The following SMAP1 variants were observed in gnomAD, a reference collection of about 807,000 sequenced individuals.
SMAP1 encodes the protein small ArfGAP 1, also known as stromal membrane-associated protein 1.
SMAP1 carries 24 observed loss-of-function variants against 58.5 expected under a neutral mutation model. The ratio of observed to expected loss-of-function variants is 0.41; its 90% CI spans 0.30 to 0.58. The LOEUF is 0.58. Ranked by LOEUF, SMAP1 falls within the 20% of genes least tolerant of loss-of-function variation. SMAP1 has a pLI of 0.29. For missense variants in SMAP1, 563 were observed against 566.3 expected, an observed-to-expected ratio of 0.99 and a Z score of 0.06; for synonymous variants, 216 against 196.6, an observed-to-expected ratio of 1.10 and a Z score of -0.82.
At chr6:70,804,019 A>G (rs1768996388) in intron 6 of SMAP1, among the ~76,000 whole-genome samples, 1 of 152,044 alleles carries the variant, frequency 6.6e-6, no homozygotes, top group African/African-American at 2.4e-5. Context: ...TGGTGCAGAG[A>G]TGAGTTCAAG....
chr6:70,772,619 A>T (rs1767378148), intron 3 of SMAP1, among the ~76,000 whole-genome samples: 1 of 152,194 alleles, frequency 6.6e-6, no homozygotes. Flanking sequence ...CGTAACTCTA[A>T]ACACTCAATC....
intron 4 of SMAP1, 58 bp downstream of exon 4, chr6:70,773,483 C>T: frequency 1.1e-6 from 1 of 897,342 alleles, no homozygotes. Flanking sequence ...AAACTTTTAA[C>T]ATGCAATACA....
intron 6 of SMAP1, among the ~76,000 whole-genome samples, chr6:70,833,623 T>C (rs1770451095): frequency 6.6e-6 from 1 of 152,190 alleles, no homozygotes; most frequent in Admixed American, 6.5e-5. Flanking sequence ...AGACTGTCTT[T>C]AGAGCAGCAT....
intron 3 of SMAP1, among the ~76,000 whole-genome samples, chr6:70,771,574 C>T (rs1767314213): frequency 6.6e-6 from 1 of 152,208 alleles, no homozygotes; most frequent in South Asian, 2.1e-4. Context: ...GATATAATCT[C>T]CTGGTGCACC....
chr6:70,690,862 C>A (rs1490241728), intron 1 of SMAP1, among the ~76,000 whole-genome samples: 1 of 151,824 alleles, frequency 6.6e-6, no homozygotes, highest in Non-Finnish European at 1.5e-5. Context: ...CCCCCTTCCC[C>A]CCTTCCCCAC....
intron 2 of SMAP1, among the ~76,000 whole-genome samples, chr6:70,753,501 A>G (rs956232245): frequency 2.6e-5 from 4 of 152,108 alleles, no homozygotes; most frequent in Non-Finnish European, 5.9e-5. Context: ...TCACGGCACA[A>G]AGATGCAGCA....
intron 4 of SMAP1, among the ~76,000 whole-genome samples, chr6:70,786,576 T>G (rs1483600353): frequency 6.6e-6 from 1 of 151,582 alleles, no homozygotes. Flanking sequence ...GCCCAAAATC[T>G]CCTTAAGCTG....
Position 70,852,783 on chromosome 6 carries a change from C to G in SMAP1, c.789+119C>G, listed in dbSNP as rs113394744. The G allele has an allele frequency of 4.9e-6, 6 of 1,212,278 alleles. No individual in the cohort carries two copies. The African/African-American group carries it at 9.3e-5, about 19-fold the overall frequency. 75.1% of individuals were successfully genotyped at this position (1,212,278 alleles called of 1,614,324 possible). ...GTAACTGATTTAAAAGTCTCCTGTT[C>G]TTTAGGCTAGAGTTTAGCAAACTAA... On this transcript the variant is annotated intron_variant, in intron 8 of 10. Coordinates refer to ENST00000370455, the MANE Select transcript of SMAP1 (RefSeq NM_001044305.3).
intron 7 of SMAP1, among the ~76,000 whole-genome samples, chr6:70,845,275 G>T (rs940158544): frequency 2.6e-5 from 4 of 152,198 alleles, no homozygotes; most frequent in African/African-American, 9.7e-5. Context: ...CACCAGCAGA[G>T]TTCATGGAAC....
chr6:70,837,768 T>C, intron 7 of SMAP1: 1 of 1,226,630 alleles, frequency 8.2e-7, no homozygotes, highest in Non-Finnish European at 1.1e-6. Context: ...TTTAAATTTT[T>C]CTTTTTTTTT....
At chr6:70,801,030 C>A (rs1411141253) in intron 6 of SMAP1, among the ~76,000 whole-genome samples, 1 of 152,176 alleles carries the variant, frequency 6.6e-6, no homozygotes, top group East Asian at 1.9e-4. Context: ...TGGGTATATA[C>A]TCAGTAATGG....
Position 70,836,982 on chromosome 6 carries a change from C to T in SMAP1, c.618C>T (p.Thr206=), listed in dbSNP as rs751972158. 98 of 1,603,294 alleles carry T rather than the reference C, an allele frequency of 6.1e-5. No individual in the cohort carries two copies. The highest frequency in any genetic ancestry group is 8.1e-5 in the Non-Finnish European group (95 of 1,175,382). Residue 206 remains threonine (T), a synonymous_variant, in exon 7 of 11, where the codon ACC becomes ACT. Transcript: ENST00000370455. The stretch of plus-strand genomic sequence containing the variant: ...AGCAACTGGAGCCTAAAAAAAGTAC[C>T]AGCCCTAAAAAAGCTGCGGAGCCCA... The part of the protein sequence containing the change: ...KDQQLEPKKS[T]SPKKAAEPTV...
chr6:70,854,898 A>G (rs1771338562), intron 8 of SMAP1, among the ~76,000 whole-genome samples: 1 of 152,118 alleles, frequency 6.6e-6, no homozygotes, highest in Non-Finnish European at 1.5e-5. Flanking sequence ...GATTGATTTT[A>G]CCATCTGCCT....
At chr6:70,824,690 C>A (rs1279657400) in intron 6 of SMAP1, among the ~76,000 whole-genome samples, 1 of 152,152 alleles carries the variant, frequency 6.6e-6, no homozygotes, top group Non-Finnish European at 1.5e-5. Flanking sequence ...TTGTTCTTAG[C>A]AGAGCAGTGG....
At chr6:70,830,198 A>G (rs1770303076) in intron 6 of SMAP1, among the ~76,000 whole-genome samples, 1 of 152,218 alleles carries the variant, frequency 6.6e-6, no homozygotes, top group Non-Finnish European at 1.5e-5. Flanking sequence ...TCACTTATTA[A>G]AAGACAAATT....
At chr6:70,696,391 C>G (rs1439248328) in intron 1 of SMAP1, among the ~76,000 whole-genome samples, 2 of 152,092 alleles carry the variant, frequency 1.3e-5, no homozygotes, top group Non-Finnish European at 2.9e-5. Flanking sequence ...TTGCTATAAA[C>G]TTTCCTCTTA....
intron 1 of SMAP1, among the ~76,000 whole-genome samples, chr6:70,718,666 A>C (rs1768378728): frequency 6.6e-6 from 1 of 151,992 alleles, no homozygotes; most frequent in African/African-American, 2.4e-5. Context: ...CTAAAAATAC[A>C]AACAATTAGC....
At chr6:70,859,550 G>A (rs931349897) in intron 10 of SMAP1, 4 of 558,698 alleles carry the variant, frequency 7.2e-6, no homozygotes, top group Non-Finnish European at 1.2e-5. Context: ...CTGAGTGTAA[G>A]TTTTAAACCC....
At chr6:70,726,097 G>T (rs1768774015) in intron 1 of SMAP1, among the ~76,000 whole-genome samples, 1 of 152,030 alleles carries the variant, frequency 6.6e-6, no homozygotes, top group Admixed American at 6.5e-5. Context: ...TTTATGTTTT[G>T]AGCCTAAATT....
Sources: allele counts gnomAD v4.1 joint callset (sites outside exome capture counted in the v4.1 genomes callset), GRCh38; gene constraint gnomAD v4.1.1; transcripts MANE v1.5; gene names NCBI Gene and HGNC (gene_info 2026-07-23, HGNC 2026-07-21).